The following PXDNL variants were observed in gnomAD, a reference collection of about 807,000 sequenced individuals.
PXDNL encodes the protein peroxidasin like.
In PXDNL, 145 loss-of-function variants were observed where a neutral mutation model predicts 150.8. The observed-to-expected ratio is 0.96, with a 90% CI of 0.84 to 1.10. The LOEUF (loss-of-function observed/expected upper bound fraction) is 1.10, where lower values mean the gene tolerates loss of function less well. Among genes scored for constraint, PXDNL ranks in the 50% least tolerant of loss-of-function variants. The pLI is 0.00. For missense variants in PXDNL, 2,087 were observed against 1,873.9 expected (o/e 1.11, Z -2.10); for synonymous variants, 757 against 725.7 (o/e 1.04, Z -0.69).
chr8:51,563,871 A>G (rs1052854082), intron 3 of PXDNL, among the ~76,000 whole-genome samples: 1 of 152,004 alleles, frequency 6.6e-6, no homozygotes, highest in Non-Finnish European at 1.5e-5. Flanking sequence ...GTAACTTTCT[A>G]TTATCTATAA....
At chr8:51,615,064 AC>A (rs1404607543) in intron 2 of PXDNL, among the ~76,000 whole-genome samples, 1 of 152,198 alleles carries the variant, frequency 6.6e-6, no homozygotes, top group African/African-American at 2.4e-5. Context: ...AGATTTTCAT[AC>A]CTTTTCCTGT....
intron 14 of PXDNL, among the ~76,000 whole-genome samples, chr8:51,420,002 C>A (rs2129703857): frequency 6.6e-6 from 1 of 152,218 alleles, no homozygotes; most frequent in African/African-American, 2.4e-5. Context: ...CTGTGGAAAT[C>A]TTTTTGTTCT....
At chr8:51,553,336 G>A (rs544696730) in intron 4 of PXDNL, among the ~76,000 whole-genome samples, 4 of 152,284 alleles carry the variant, frequency 2.6e-5, no homozygotes, top group African/African-American at 9.6e-5. Context: ...GTACTCGTAT[G>A]GACTGTCTGC....
At chr8:51,477,183 A>G (rs1810498456) in intron 6 of PXDNL, among the ~76,000 whole-genome samples, 1 of 152,242 alleles carries the variant, frequency 6.6e-6, no homozygotes, top group Non-Finnish European at 1.5e-5. Flanking sequence ...TTTTGTAGAT[A>G]CCCAATTCAT....
intron 21 of PXDNL, among the ~76,000 whole-genome samples, chr8:51,329,003 C>A (rs1050624015): frequency 6.6e-6 from 1 of 152,190 alleles, no homozygotes; most frequent in Admixed American, 6.5e-5. Context: ...CTCACTTAAT[C>A]AGGAAAAAGC....
intron 6 of PXDNL, among the ~76,000 whole-genome samples, chr8:51,476,807 T>A (rs1002978647): frequency 6.6e-6 from 1 of 152,210 alleles, no homozygotes; most frequent in Non-Finnish European, 1.5e-5. Context: ...TATTTTATGA[T>A]AGGTGTTAGA....
intron 20 of PXDNL, among the ~76,000 whole-genome samples, chr8:51,344,124 A>C (rs1341171939): frequency 6.6e-6 from 1 of 152,044 alleles, no homozygotes; most frequent in East Asian, 1.9e-4. Context: ...ATAGAGGTCT[A>C]TAGACAGTCT....
At chr8:51,497,381 C>T (rs1296090978) in intron 5 of PXDNL, among the ~76,000 whole-genome samples, 1 of 152,182 alleles carries the variant, frequency 6.6e-6, no homozygotes, top group Non-Finnish European at 1.5e-5. Flanking sequence ...TGGGCAAGGA[C>T]TTCATGTCTA....
At chr8:51,652,300 C>T (rs545820435) in intron 2 of PXDNL, among the ~76,000 whole-genome samples, 4 of 152,200 alleles carry the variant, frequency 2.6e-5, no homozygotes, top group Admixed American at 6.5e-5. Flanking sequence ...TGGATCTTCA[C>T]TTAACTGGAC....
chr8:51,551,985 T>C (rs1227126720), intron 4 of PXDNL, among the ~76,000 whole-genome samples: 5 of 151,704 alleles, frequency 3.3e-5, no homozygotes, highest in Admixed American at 6.6e-5. Context: ...GTCAGAAAAA[T>C]GCAAGTAATC....
At chr8:51,576,163 AAC>A (rs1457695007) in intron 3 of PXDNL, among the ~76,000 whole-genome samples, 4 of 151,018 alleles carry the variant, frequency 2.6e-5, no homozygotes, top group African/African-American at 7.3e-5. Context: ...TTCATAAAAC[AAC>A]ACAGTCTAAC....
intron 2 of PXDNL, among the ~76,000 whole-genome samples, chr8:51,600,396 T>C (rs1470013125): frequency 2.3e-5 from 3 of 131,938 alleles, no homozygotes; most frequent in African/African-American, 5.7e-5. Context: ...GATAATAAAT[T>C]ATATCTTATA....
intron 1 of PXDNL, among the ~76,000 whole-genome samples, chr8:51,795,619 C>T (rs939880072): frequency 2.6e-5 from 4 of 152,134 alleles, no homozygotes; most frequent in Non-Finnish European, 4.4e-5. Flanking sequence ...AGACAATGTA[C>T]CACAATCTCT....
At chr8:51,456,087 C>T (rs1473948469) in intron 9 of PXDNL, among the ~76,000 whole-genome samples, 1 of 152,218 alleles carries the variant, frequency 6.6e-6, no homozygotes, top group East Asian at 1.9e-4. Context: ...CTGCTGACTT[C>T]CTCATCCTGA....
intron 1 of PXDNL, among the ~76,000 whole-genome samples, chr8:51,694,370 CA>C (rs35032602): frequency 0.81 from 122,238 of 150,082 alleles, 49,678 homozygotes; most frequent in East Asian, 0.86. Context: ...CTCAAACAAA[CA>C]AAAAAAAAAA....
chr8:51,588,584 T>C (rs747128204), intron 3 of PXDNL, among the ~76,000 whole-genome samples: 9 of 152,258 alleles, frequency 5.9e-5, no homozygotes, highest in Non-Finnish European at 8.8e-5. Context: ...ATCTGTCTTA[T>C]TCAAAATTAA....
chr8:51,602,467 A>T (rs1454597701), intron 2 of PXDNL, among the ~76,000 whole-genome samples: 1 of 151,912 alleles, frequency 6.6e-6, no homozygotes, highest in African/African-American at 2.4e-5. Flanking sequence ...AGTCCACATA[A>T]ATTTATTATT....
intron 2 of PXDNL, among the ~76,000 whole-genome samples, chr8:51,634,843 A>C (rs969968994): frequency 1.3e-4 from 20 of 152,226 alleles, no homozygotes; most frequent in African/African-American, 4.8e-4. Context: ...GTGAAACCTT[A>C]CTGAAGTCAC....
At chr8:51,719,406 G>C (rs1011675924) in intron 1 of PXDNL, among the ~76,000 whole-genome samples, 4 of 152,170 alleles carry the variant, frequency 2.6e-5, no homozygotes, top group African/African-American at 9.7e-5. Flanking sequence ...TAAGGGCGGT[G>C]CAAGATGTGC....
Sources: allele counts gnomAD v4.1 joint callset (sites outside exome capture counted in the v4.1 genomes callset), GRCh38; gene constraint gnomAD v4.1.1; transcripts MANE v1.5; gene names NCBI Gene and HGNC (gene_info 2026-07-23, HGNC 2026-07-21).